Variants in CENPE observed in about 807,000 individuals in gnomAD.
CENPE encodes centromere-associated protein E.
In CENPE, 145 loss-of-function variants were observed where a neutral mutation model predicts 336.1. The ratio of observed to expected loss-of-function variants is 0.43; its 90% CI spans 0.38 to 0.50. The LOEUF is 0.50. Ranked by LOEUF, CENPE falls within the 20% of genes least tolerant of loss-of-function variation. The pLI is 0.00. For missense variants in CENPE, 2,719 were observed against 3,023.3 expected, an observed-to-expected ratio of 0.90 and a Z score of 2.36; for synonymous variants, 1,013 against 984.8, an observed-to-expected ratio of 1.03 and a Z score of -0.54.
chr4:103,156,972 C>T (rs1008997136), intron 24 of CENPE, among the ~76,000 whole-genome samples: 3 of 148,678 alleles, frequency 2.0e-5, no homozygotes, highest in East Asian at 2.0e-4. Flanking sequence ...AAAAAGCACA[C>T]GAAGATTCAA....
At chr4:103,152,335 G>A (rs1753632823) in intron 25 of CENPE, among the ~76,000 whole-genome samples, 1 of 152,116 alleles carries the variant, frequency 6.6e-6, no homozygotes, top group Non-Finnish European at 1.5e-5. Context: ...ACACCCATTA[G>A]AATGGCTAAA....
chr4:103,145,460 T>G, intron 31 of CENPE, 63 bp downstream of exon 31: 1 of 1,464,836 alleles, frequency 6.8e-7, no homozygotes. Flanking sequence ...GTAGTCTTCA[T>G]AATTCAGTTA....
chr4:103,127,097 T>TAAA (rs768685995), intron 42 of CENPE, among the ~76,000 whole-genome samples: 4 of 75,338 alleles, frequency 5.3e-5, no homozygotes, highest in Non-Finnish European at 1.1e-4. Context: ...GGGACAAATA[T>TAAA]AAAAAAAAAA....
intron 6 of CENPE, 56 bp downstream of exon 6, chr4:103,194,547 T>A: frequency 6.7e-7 from 1 of 1,499,740 alleles, no homozygotes; most frequent in Non-Finnish European, 9.1e-7. Context: ...CAAACGTGCT[T>A]GATTGAAAAG....
chr4:103,181,519 A>T, intron 11 of CENPE, 63 bp from the exon 12 acceptor site: 1 of 1,358,976 alleles, frequency 7.4e-7, no homozygotes, highest in Non-Finnish European at 9.9e-7. Flanking sequence ...TTTAATTAAT[A>T]ATATTTAGCT....
At chr4:103,177,144 T>C in intron 13 of CENPE, 98 bp from the exon 14 acceptor site, 1 of 977,718 alleles carries the variant, frequency 1.0e-6, no homozygotes, top group Admixed American at 3.0e-5. Context: ...ATTGACTTGG[T>C]AGAATTCTTA....
Position 103,175,985 on chromosome 4 carries a change from T to A in CENPE, c.1454A>T (p.Asn485Ile). Residue 485 changes from asparagine (N) to isoleucine (I), a missense_variant, in exon 15 of 49, where the codon AAT (asparagine) becomes ATT (isoleucine). By Grantham distance (149) the Asn-to-Ile change is moderately radical. Coordinates refer to ENST00000265148, the MANE Select transcript of CENPE (RefSeq NM_001813.3). ...TLDTLSEIEW[N>I]PATKLLNQEN... ...CTGATTTAGTAGCTTTGTTGCTGGATTCCATTCTATCTCACTTAATGTATC... is the reference window on the plus strand; with the variant it reads ...CTGATTTAGTAGCTTTGTTGCTGGAATCCATTCTATCTCACTTAATGTATC... The A allele has an allele frequency of 6.2e-7, 1 of 1,604,184 alleles. No individual in the cohort carries two copies. The highest frequency in any genetic ancestry group is 8.5e-7 in the Non-Finnish European group (1 of 1,173,574).
chr4:103,112,440 CA>C (rs1749546233), intron 46 of CENPE, among the ~76,000 whole-genome samples: 1 of 144,788 alleles, frequency 6.9e-6, no homozygotes, highest in Non-Finnish European at 1.5e-5. Flanking sequence ...CTTATACATA[CA>C]TATACTTATA....
chr4:103,189,440 A>G (rs1449232596), intron 8 of CENPE, among the ~76,000 whole-genome samples: 1 of 152,194 alleles, frequency 6.6e-6, no homozygotes, highest in African/African-American at 2.4e-5. Context: ...AAGCTTATCC[A>G]CCATGATCAA....
chr4:103,193,090 A>T (rs1049250737), intron 8 of CENPE, among the ~76,000 whole-genome samples: 3 of 152,086 alleles, frequency 2.0e-5, no homozygotes, highest in Admixed American at 6.6e-5. Context: ...CTTTCCAAGA[A>T]GATTCTTAGA....
Position 103,159,123 on chromosome 4 carries a change from C to T in CENPE, c.2488G>A (p.Glu830Lys). 6.2e-7 allele frequency: 1 copy of T among 1,606,362 alleles called. No individual in the cohort carries two copies. Among genetic ancestry groups the T allele is most frequent in the Non-Finnish European group, 8.5e-7 (1 of 1,177,308 alleles). The change falls in exon 22 of 49, where the codon GAG becomes AAG. Residue 830 changes from glutamate to lysine, a missense_variant. Transcript: ENST00000265148. ...TCAAGGACCATCTTATACTTTTGCT[C>T]AAAGTCCATATGAAGGGTTTTGAAA... is the stretch of plus-strand genomic sequence containing the variant. The part of the protein sequence containing the change: ...QNFKTLHMDF[E>K]QKYKMVLEEN...
In CENPE at chr4:103,147,642, G is replaced by A. The variant is rs1425460543; in HGVS notation, c.3848C>T (p.Pro1283Leu). The change falls in exon 29 of 49, where the codon CCA (proline) becomes CTA (leucine). Residue 1283 changes from proline (P) to leucine (L), a missense_variant. Physicochemically the swap from Pro to Leu is moderately conservative, Grantham distance 98. This residue lies in a region of CENPE where 2,437 missense variants were observed against 2,513.3 expected (regional missense o/e 0.97). Transcript: ENST00000265148. ...TAACTCTTGTTCCTCATGAAGCACT[G>A]GGATCTTAGGACATTCATAAAATAC... is the stretch of plus-strand genomic sequence containing the variant. ...KSHTKLQEEI[P>L]VLHEEQELLP... 6.2e-7 allele frequency: 1 copy of A among 1,604,618 alleles called. No homozygotes were observed. The highest frequency in any genetic ancestry group is 8.5e-7 in the Non-Finnish European group (1 of 1,177,468).
intron 13 of CENPE, among the ~76,000 whole-genome samples, chr4:103,179,221 T>A (rs1166283420): frequency 6.6e-6 from 1 of 152,162 alleles, no homozygotes; most frequent in East Asian, 1.9e-4. Context: ...TCCAATTCAC[T>A]CCAACTCCAG....
chr4:103,166,424 CA>C (rs771831210), intron 16 of CENPE, among the ~76,000 whole-genome samples: 28 of 152,142 alleles, frequency 1.8e-4, no homozygotes, highest in Non-Finnish European at 3.4e-4. Flanking sequence ...GATTAAAGTC[CA>C]ATGGTTTTGT....
Position 103,194,655 on chromosome 4 carries a change from T to C in CENPE, c.507A>G (p.Glu169=). ...NRNVYVADLT[E]EVVYTSEMAL... Reference sequence around the variant, plus strand: ...CCATTTCTGATGTATATACAACTTCTTCTGTGAGATCAGCAACATACACAT... The same window carrying C: ...CCATTTCTGATGTATATACAACTTCCTCTGTGAGATCAGCAACATACACAT... Residue 169 remains glutamate, a synonymous_variant, in exon 6 of 49, where the codon GAA becomes GAG. Coordinates refer to ENST00000265148, the MANE Select transcript of CENPE (RefSeq NM_001813.3). The C allele has an allele frequency of 6.2e-7, 1 of 1,608,580 alleles. No individual in the cohort carries two copies. The highest frequency in any genetic ancestry group is 8.5e-7 in the Non-Finnish European group (1 of 1,178,014).
chr4:103,115,075 T>C (rs992052182), intron 45 of CENPE, among the ~76,000 whole-genome samples: 1 of 152,100 alleles, frequency 6.6e-6, no homozygotes, highest in Non-Finnish European at 1.5e-5. Context: ...TTATAAGACT[T>C]TCTGCCTTTC....
At chr4:103,189,836 A>G (rs1337866498) in intron 8 of CENPE, among the ~76,000 whole-genome samples, 1 of 152,178 alleles carries the variant, frequency 6.6e-6, no homozygotes, top group Non-Finnish European at 1.5e-5. Flanking sequence ...CAATTAGGAA[A>G]AGAGGAAGTC....
chr4:103,176,115 G>T, intron 14 of CENPE, 67 bp from the exon 15 acceptor site: 2 of 912,342 alleles, frequency 2.2e-6, no homozygotes, highest in Admixed American at 2.6e-5. Context: ...TCAAATTAAA[G>T]ATTACTAAAA....
At chr4:103,168,518 C>T (rs1755115420) in intron 16 of CENPE, among the ~76,000 whole-genome samples, 1 of 152,164 alleles carries the variant, frequency 6.6e-6, no homozygotes, top group South Asian at 2.1e-4. Flanking sequence ...CTGCTGGTGC[C>T]ACCAGGTTAA....
Sources: allele counts gnomAD v4.1 joint callset (sites outside exome capture counted in the v4.1 genomes callset), GRCh38; gene constraint gnomAD v4.1.1; regional missense constraint gnomAD v4.1.1; transcripts MANE v1.5; gene names NCBI Gene and HGNC (gene_info 2026-07-23, HGNC 2026-07-21).